KIAA1217: variants seen among roughly 807,000 people sequenced by gnomAD.
The protein encoded by KIAA1217 is KIAA1217, also known as sickle tail protein homolog.
In KIAA1217, 88 loss-of-function variants were observed where a neutral mutation model predicts 163.9. That is an observed-to-expected ratio of 0.54 (90% confidence interval 0.45 to 0.64). The LOEUF is 0.64. Ranked by LOEUF, KIAA1217 falls within the 30% of genes least tolerant of loss-of-function variation. The pLI, the probability that KIAA1217 is intolerant of heterozygous loss-of-function variation, is 0.00. For missense variants in KIAA1217, 2,372 were observed against 2,475.0 expected, an observed-to-expected ratio of 0.96 and a Z score of 0.88; for synonymous variants, 903 against 923.1, an observed-to-expected ratio of 0.98 and a Z score of 0.39.
At chr10:24,177,298 T>TATATATATATA (rs58744670) in intron 2 of KIAA1217, among the ~76,000 whole-genome samples, 6 of 68,618 alleles carry the variant, frequency 8.7e-5, no homozygotes, top group Non-Finnish European at 1.5e-4. Flanking sequence ...TATATATATA[T>TATATATATATA]TACAATTTCT....
At chr10:24,447,568 C>T (rs1037064734) in intron 5 of KIAA1217, among the ~76,000 whole-genome samples, 3 of 152,180 alleles carry the variant, frequency 2.0e-5, no homozygotes, top group East Asian at 1.9e-4. Context: ...TTCATCTTCA[C>T]GCTCCCTGTG....
At chr10:24,492,384 G>C (rs1031437548) in intron 6 of KIAA1217, among the ~76,000 whole-genome samples, 5 of 152,196 alleles carry the variant, frequency 3.3e-5, no homozygotes, top group Admixed American at 2.0e-4. Context: ...ATGGCTGAGA[G>C]GTTTAGCATC....
chr10:24,506,490 T>G (rs557046751), intron 9 of KIAA1217, among the ~76,000 whole-genome samples: 1 of 152,348 alleles, frequency 6.6e-6, no homozygotes. Context: ...ACAAGAGCAT[T>G]ATTTCTGTCT....
intron 1 of KIAA1217, among the ~76,000 whole-genome samples, chr10:23,973,722 G>A (rs1157873311): frequency 6.6e-6 from 1 of 152,134 alleles, no homozygotes; most frequent in East Asian, 1.9e-4. Flanking sequence ...GTAATGACGA[G>A]AAACTGTGGT....
At chr10:23,703,908 G>C (rs1355069771) in intron 1 of KIAA1217, among the ~76,000 whole-genome samples, 1 of 150,978 alleles carries the variant, frequency 6.6e-6, no homozygotes, top group Admixed American at 6.6e-5. Flanking sequence ...TGTAAAAACT[G>C]CATTTTTGTT....
intron 1 of KIAA1217, among the ~76,000 whole-genome samples, chr10:23,758,626 T>TTTTCTC (rs1554787387): frequency 8.6e-6 from 1 of 116,920 alleles, no homozygotes; most frequent in Non-Finnish European, 1.7e-5. Flanking sequence ...CTTTCTTACT[T>TTTTCTC]TCTCTCTCTC....
At chr10:24,428,985 C>T (rs911452097) in intron 3 of KIAA1217, among the ~76,000 whole-genome samples, 10 of 151,636 alleles carry the variant, frequency 6.6e-5, no homozygotes, top group Admixed American at 5.2e-4. Context: ...AGAAAACAGA[C>T]ATAAAGCAAG....
At chr10:24,026,742 A>ATTTTTTTTTTTTTTTTTTTTTTCTTTT in intron 2 of KIAA1217, among the ~76,000 whole-genome samples, 5 of 70,094 alleles carry the variant, frequency 7.1e-5, no homozygotes, top group Admixed American at 1.5e-4. Flanking sequence ...TATTTCATTG[A>ATTTTTTTTTTTTTTTTTTTTTTCTTTT]TTTTTTTTTT....
At chr10:23,748,559 G>T (rs1164632260) in intron 1 of KIAA1217, among the ~76,000 whole-genome samples, 11 of 124,816 alleles carry the variant, frequency 8.8e-5, no homozygotes, top group Non-Finnish European at 9.9e-5. Flanking sequence ...GAGGGGAGAG[G>T]AGGGGGAGGG....
At chr10:24,348,738 T>C (rs140846698) in intron 2 of KIAA1217, among the ~76,000 whole-genome samples, 63 of 152,178 alleles carry the variant, frequency 4.1e-4, no homozygotes, top group South Asian at 1.2e-3. Context: ...TTCACACCCA[T>C]CCCCCAAGTA....
rs1358422725 is a variant in KIAA1217 at position 24,219,844 on chromosome 10, C to A, written c.289C>A (p.Leu97Met). The change falls in exon 2 of 21, where the codon CTG (leucine) becomes ATG (methionine). Residue 97 changes from leucine to methionine, a missense_variant. Transcript: ENST00000376454. The stretch of plus-strand genomic sequence containing the variant: ...GAAGAGAGAAGCGTTCCTAGAACAT[C>A]TGAAGCAGAAGTACCCCCACCACGC... Reference protein sequence around the residue: ...DRKREAFLEHLKQKYPHHASA... With the variant: ...DRKREAFLEHMKQKYPHHASA... 2 of 1,613,670 alleles carry A rather than the reference C, an allele frequency of 1.2e-6. No individual in the cohort carries two copies. The highest frequency in any genetic ancestry group is 1.7e-6 in the Non-Finnish European group (2 of 1,179,786).
intron 1 of KIAA1217, among the ~76,000 whole-genome samples, chr10:23,796,288 C>G (rs1396426973): frequency 3.3e-5 from 5 of 152,084 alleles, no homozygotes; most frequent in African/African-American, 1.2e-4. Flanking sequence ...CGTCAGTTTC[C>G]CCATTTGTAA....
chr10:23,903,074 C>T (rs191295812), intron 1 of KIAA1217, among the ~76,000 whole-genome samples: 106 of 152,036 alleles, frequency 7.0e-4, no homozygotes, highest in African/African-American at 2.4e-3. Flanking sequence ...AAGTTAGGTC[C>T]CCAAGTTTCT....
At chr10:24,438,334 C>A in intron 4 of KIAA1217, 52 bp from the exon 5 acceptor site, 2 of 1,337,330 alleles carry the variant, frequency 1.5e-6, no homozygotes, top group Non-Finnish European at 1.1e-6. Flanking sequence ...AAGGAAATGG[C>A]CAAAGTCAGG....
At chr10:24,306,324 G>C (rs1392492965) in intron 2 of KIAA1217, among the ~76,000 whole-genome samples, 2 of 152,156 alleles carry the variant, frequency 1.3e-5, no homozygotes, top group Admixed American at 1.3e-4. Context: ...TTCTGTGCAT[G>C]ATCTGTTCCT....
At position 24,542,749 on chromosome 10, in the gene KIAA1217, C is replaced by A; in HGVS notation, c.3591C>A (p.Gly1197=). The A allele has an allele frequency of 6.2e-7, 1 of 1,614,020 alleles. No homozygotes were observed. Among genetic ancestry groups the A allele is most frequent in the Non-Finnish European group, 8.5e-7 (1 of 1,179,934 alleles). The part of the protein sequence containing the change: ...VRKSDVEYEN[G]PQMEFQKVTT... ...AATCTGATGTTGAATATGAAAATGG[C>A]CCCCAAATGGAATTCCAAAAGGTGA... The change falls in exon 18 of 21, where the codon GGC becomes GGA. Residue 1197 remains glycine, a synonymous_variant. Transcript: ENST00000376454.
chr10:23,897,767 AAAATATAAAAAAGGATT>A (rs1215575435), intron 1 of KIAA1217, among the ~76,000 whole-genome samples: 2 of 152,084 alleles, frequency 1.3e-5, no homozygotes, highest in African/African-American at 4.8e-5. Context: ...ATATGGAACC[AAAATATAAAAAAGGATT>A]AAATATAAAA....
intron 9 of KIAA1217, among the ~76,000 whole-genome samples, chr10:24,508,897 C>T (rs2134162173): frequency 6.6e-6 from 1 of 152,158 alleles, no homozygotes; most frequent in Non-Finnish European, 1.5e-5. Context: ...TGGGCTGGGG[C>T]TTGGGGATTG....
At chr10:23,977,294 A>G (rs1845581502) in intron 1 of KIAA1217, among the ~76,000 whole-genome samples, 1 of 152,192 alleles carries the variant, frequency 6.6e-6, no homozygotes, top group Non-Finnish European at 1.5e-5. Context: ...TAAATCTATA[A>G]CCTGAAGTTT....
Sources: allele counts gnomAD v4.1 joint callset (sites outside exome capture counted in the v4.1 genomes callset), GRCh38; gene constraint gnomAD v4.1.1; transcripts MANE v1.5; gene names NCBI Gene and HGNC (gene_info 2026-07-23, HGNC 2026-07-21).